Variants in ZNF292 observed in about 807,000 individuals in gnomAD.
The protein encoded by ZNF292 is 16 zinc-finger domain protein.
ZNF292 carries 26 observed loss-of-function variants against 217.9 expected under a neutral mutation model. The observed-to-expected ratio is 0.12, with a 90% CI of 0.09 to 0.17. The LOEUF is 0.17. Ranked by LOEUF, ZNF292 falls within the 10% of genes least tolerant of loss-of-function variation. The pLI is 1.00. For synonymous variants in ZNF292, 1,257 were observed against 1,124.1 expected, an observed-to-expected ratio of 1.12 and a Z score of -2.37; for missense variants, 2,904 against 3,175.2, an observed-to-expected ratio of 0.91 and a Z score of 2.05.
intron 1 of ZNF292, among the ~76,000 whole-genome samples, chr6:87,209,431 C>T (rs1772390710): frequency 6.6e-6 from 1 of 152,112 alleles, no homozygotes; most frequent in African/African-American, 2.4e-5. Flanking sequence ...CTACACAAAA[C>T]CTTAAAATAC....
Position 87,263,152 on chromosome 6 carries a change from TATACTGTGG to T in ZNF292, c.*1354_*1362del, listed in dbSNP as rs1296553923. The T allele has an allele frequency of 6.6e-6, 1 of 152,050 alleles. No homozygotes were observed. Among genetic ancestry groups the T allele is most frequent in the African/African-American group, 2.4e-5 (1 of 41,448 alleles). The allele number at this position is 152,050 out of a possible 1,614,324, so 9.4% of individuals were successfully genotyped here. ...ACAGTTTAGCTTTATTCACCATATT[TATACTGTGG>T]ATTCACAGCGAGAGGTAGAGGTTAT... is the stretch of plus-strand genomic sequence containing the variant. On this transcript the variant is annotated 3_prime_UTR_variant, in exon 8 of 8. Coordinates refer to ENST00000369577, the MANE Select transcript of ZNF292 (RefSeq NM_015021.3).
chr6:87,205,542 T>C (rs1332699119), intron 1 of ZNF292, among the ~76,000 whole-genome samples: 1 of 152,140 alleles, frequency 6.6e-6, no homozygotes, highest in Non-Finnish European at 1.5e-5. Flanking sequence ...TTATTCAGAT[T>C]TTTAAGTTAT....
chr6:87,248,648 A>G (rs770940572), intron 7 of ZNF292, among the ~76,000 whole-genome samples: 1 of 152,246 alleles, frequency 6.6e-6, no homozygotes, highest in Non-Finnish European at 1.5e-5. Flanking sequence ...GCAGTTTTAA[A>G]TCATAGGTTG....
Position 87,216,341 on chromosome 6 carries a change from A to C in ZNF292, c.366A>C (p.Ser122=), listed in dbSNP as rs1212433080. The C allele has an allele frequency of 3.2e-6, 5 of 1,586,668 alleles. No individual in the cohort carries two copies. In the African/African-American group the frequency reaches 6.7e-5, roughly 21 times the overall value. Residue 122 remains serine, a synonymous_variant, in exon 3 of 8, where the codon TCA becomes TCC. Transcript: ENST00000369577. ...TACTGTGTCTGCCTGTTGAGTTATC[A>C]GATAAACAGTGGGAACAATTTCAGA... ...ELLLCLPVEL[S]DKQWEQFQTL... is the part of the protein sequence containing the mutation.
In ZNF292 at chr6:87,259,255, T is replaced by C. The variant is rs370356863; in HGVS notation, c.5626T>C (p.Ser1876Pro). The change falls in exon 8 of 8, where the codon TCA becomes CCA. Residue 1876 changes from serine (S) to proline (P), a missense_variant. Transcript: ENST00000369577. ...GACACTGACTCCCACGCCTGTTAAA[T>C]CAACTGCAGATATCACAGTTATTCA... ...SVTLTPTPVK[S>P]TADITVIQPV... The C allele has an allele frequency of 5.0e-6, 8 of 1,613,690 alleles. No homozygotes were observed. The highest frequency in any genetic ancestry group is 6.8e-6 in the Non-Finnish European group (8 of 1,179,696).
intron 1 of ZNF292, among the ~76,000 whole-genome samples, chr6:87,168,455 G>C (rs1770985338): frequency 6.6e-6 from 1 of 152,130 alleles, no homozygotes; most frequent in African/African-American, 2.4e-5. Context: ...TATATAGGAG[G>C]TGATGTTATA....
chr6:87,207,804 T>C (rs1438026883), intron 1 of ZNF292, among the ~76,000 whole-genome samples: 2 of 152,214 alleles, frequency 1.3e-5, no homozygotes, highest in Admixed American at 1.3e-4. Flanking sequence ...AATTTCATCT[T>C]GAAGAAATTT....
chr6:87,259,698 A>C lies in ZNF292; in HGVS notation c.6069A>C (p.Leu2023Phe). ...EENKKESQPA[L>F]ELRAETQNTH... The stretch of plus-strand genomic sequence containing the variant: ...ATAAAAAGGAATCTCAGCCTGCTTT[A>C]GAATTGAGAGCAGAGACCCAAAATA... Residue 2023 changes from leucine to phenylalanine, a missense_variant, in exon 8 of 8, where the codon TTA becomes TTC. By Grantham distance (22) the Leu-to-Phe change is conservative (BLOSUM62 0). Coordinates refer to ENST00000369577, the MANE Select transcript of ZNF292 (RefSeq NM_015021.3). The C allele has an allele frequency of 6.2e-7, 1 of 1,600,684 alleles. No homozygotes were observed. Among genetic ancestry groups the C allele is most frequent in the Non-Finnish European group, 8.5e-7 (1 of 1,173,270 alleles).
chr6:87,157,368 A>G (rs1770577646), intron 1 of ZNF292, among the ~76,000 whole-genome samples: 2 of 152,188 alleles, frequency 1.3e-5, no homozygotes, highest in Admixed American at 1.3e-4. Context: ...CTCATTCTTA[A>G]TTGGTCTTTA....
chr6:87,213,361 T>G (rs1227005887), intron 1 of ZNF292, among the ~76,000 whole-genome samples: 1 of 152,292 alleles, frequency 6.6e-6, no homozygotes. Context: ...GCGGAAAGGG[T>G]GCTCCTTGCA....
At chr6:87,213,976 A>C (rs1048943505) in intron 1 of ZNF292, 2 of 152,112 alleles carry the variant, frequency 1.3e-5, no homozygotes, top group African/African-American at 4.8e-5. Flanking sequence ...GGGAAGAAAC[A>C]GGGGAAGGTC....
chr6:87,167,628 T>C (rs189354005), intron 1 of ZNF292, among the ~76,000 whole-genome samples: 1 of 152,266 alleles, frequency 6.6e-6, no homozygotes, highest in African/African-American at 2.4e-5. Context: ...TCAACAAGAA[T>C]GAAACGAAAC....
rs1227776620 is a variant in ZNF292, at chr6:87,216,258, T to G, written c.324-41T>G. The G allele has an allele frequency of 2.0e-6, 3 of 1,501,964 alleles. No homozygotes were observed. In the South Asian group the frequency reaches 3.7e-5, roughly 18 times the overall value. The allele number at this position is 1,501,964 out of a possible 1,614,324, so 93.0% of individuals were successfully genotyped here. A position where few individuals can be genotyped will look rare whatever the true frequency, so the allele number is the denominator to read the frequency against. ...CTGGTTTTATAATTTCCTTTGAATTTTAATAATTATTCCTCTCCTTACCAA... is the reference window on the plus strand; with the variant it reads ...CTGGTTTTATAATTTCCTTTGAATTGTAATAATTATTCCTCTCCTTACCAA... On this transcript the variant is annotated intron_variant, in intron 2 of 7. Transcript: ENST00000369577.
In ZNF292 at chr6:87,258,208, G is replaced by A; in HGVS notation, c.4579G>A (p.Val1527Met). The A allele has an allele frequency of 6.2e-7, 1 of 1,611,880 alleles. No individual in the cohort carries two copies. The highest frequency in any genetic ancestry group is 8.5e-7 in the Non-Finnish European group (1 of 1,179,116). ...VSDASQVNAT[V>M]MPNPTVPPLL... is the part of the protein sequence containing the mutation. ...TGATGCATCACAAGTAAATGCAACG[G>A]TGATGCCAAATCCAACTGTACCACC... The change falls in exon 8 of 8, where the codon GTG (valine) becomes ATG (methionine). Residue 1527 changes from valine (V) to methionine (M), a missense_variant. By Grantham distance (21) the Val-to-Met change is conservative (BLOSUM62 1). Transcript: ENST00000369577.
At chr6:87,189,600 TA>T (rs1416936036) in intron 1 of ZNF292, among the ~76,000 whole-genome samples, 1 of 152,188 alleles carries the variant, frequency 6.6e-6, no homozygotes, top group African/African-American at 2.4e-5. Flanking sequence ...TGAATTTGTC[TA>T]ATATTTTTCT....
intron 1 of ZNF292, among the ~76,000 whole-genome samples, chr6:87,215,535 A>C (rs930123319): frequency 6.6e-6 from 1 of 152,166 alleles, no homozygotes; most frequent in Non-Finnish European, 1.5e-5. Flanking sequence ...CGAGAAATAG[A>C]AAACAGATAT....
chr6:87,256,217 A>C lies in ZNF292; in HGVS notation c.2588A>C (p.Glu863Ala). ...TCTGAAGTGAATCAGAACACAGCAGAGAATATTGAGAAAGAAAGATCTATG... is the reference window on the plus strand; with the variant it reads ...TCTGAAGTGAATCAGAACACAGCAGCGAATATTGAGAAAGAAAGATCTATG... ...QPSEVNQNTAENIEKERSMLP... is the reference protein window; with the variant it reads ...QPSEVNQNTAANIEKERSMLP... Residue 863 changes from glutamate to alanine, a missense_variant, in exon 8 of 8, where the codon GAG becomes GCG. Physicochemically the swap from Glu to Ala is moderately radical, Grantham distance 107 (BLOSUM62 -1). Coordinates refer to ENST00000369577, the MANE Select transcript of ZNF292 (RefSeq NM_015021.3). The C allele has an allele frequency of 6.2e-7, 1 of 1,613,892 alleles. No homozygotes were observed.
At chr6:87,207,564 T>G (rs1167968616) in intron 1 of ZNF292, among the ~76,000 whole-genome samples, 3 of 152,234 alleles carry the variant, frequency 2.0e-5, no homozygotes, top group Admixed American at 6.5e-5. Context: ...ATTCTTTATT[T>G]CATGTGACTG....
At chr6:87,233,558 T>G (rs770183088) in intron 5 of ZNF292, 31 bp downstream of exon 5, 5 of 1,573,678 alleles carry the variant, frequency 3.2e-6, no homozygotes, top group Non-Finnish European at 3.5e-6. Flanking sequence ...TAGTAATTAT[T>G]TTTTAAGTTG....
Sources: gnomAD v4.1 joint callset for allele counts (sites outside exome capture counted in the v4.1 genomes callset) on GRCh38, gnomAD v4.1.1 for gene constraint, MANE v1.5 for transcripts, NCBI Gene and HGNC (gene_info 2026-07-23, HGNC 2026-07-21) for gene names.